LRPPRC: variants seen among roughly 807,000 people sequenced by gnomAD.
LRPPRC encodes the protein leucine rich pentatricopeptide repeat containing, also known as leucine-rich PPR motif-containing protein, mitochondrial.
LRPPRC carries 120 observed loss-of-function variants against 180.3 expected under a neutral mutation model. That is an observed-to-expected ratio of 0.67 (90% CI 0.57 to 0.77). The LOEUF (loss-of-function observed/expected upper bound fraction) is 0.77. Among genes scored for constraint, LRPPRC ranks in the 30% least tolerant of loss-of-function variants. The pLI is 0.00. For missense variants in LRPPRC, 2,012 were observed against 1,657.2 expected, an observed-to-expected ratio of 1.21 and a Z score of -3.72; for synonymous variants, 723 against 600.0, an observed-to-expected ratio of 1.21 and a Z score of -3.00.
At chr2:43,977,894 G>A (rs915685566) in intron 3 of LRPPRC, among the ~76,000 whole-genome samples, 1 of 152,048 alleles carries the variant, frequency 6.6e-6, no homozygotes, top group African/African-American at 2.4e-5. Context: ...TCAATTTTGT[G>A]GTAACATGTC....
intron 31 of LRPPRC, 85 bp from the exon 32 acceptor site, chr2:43,901,609 G>C: frequency 1.3e-6 from 1 of 799,732 alleles, no homozygotes; most frequent in Non-Finnish European, 2.2e-6. Flanking sequence ...TTAAATATGA[G>C]CACCAAATGG....
At chr2:43,996,067 C>G, upstream of LRPPRC, 1 of 973,918 alleles carries the variant, frequency 1.0e-6, no homozygotes. Context: ...GTGGGGGGAG[C>G]GACGGATTGT....
rs1670344417 is a variant in LRPPRC, at chr2:43,888,313, G to A, written c.*287C>T. ...ACATTTTAATGAAATAAATGAAACA[G>A]AGCAGGGAAACCAAAGAGCCAATTA... is the stretch of plus-strand genomic sequence containing the variant. On this transcript the variant is annotated 3_prime_UTR_variant, in exon 38 of 38. Coordinates refer to ENST00000260665, the MANE Select transcript of LRPPRC (RefSeq NM_133259.4). 2 of 352,550 alleles carry A rather than the reference G, an allele frequency of 5.7e-6. No homozygotes were observed. The highest frequency in any genetic ancestry group is 2.1e-5 in the African/African-American group (1 of 47,528). 21.8% of individuals were successfully genotyped at this position (352,550 alleles called of 1,614,324 possible).
intron 29 of LRPPRC, 38 bp downstream of exon 29, chr2:43,917,987 A>T: frequency 4.2e-6 from 4 of 950,930 alleles, no homozygotes; most frequent in Non-Finnish European, 6.6e-6. Context: ...AAAGAAGACC[A>T]CCCCCCCACA....
Position 43,917,594 on chromosome 2 carries a change from C to T in LRPPRC, c.3148+431G>A, listed in dbSNP as rs369649841. Reference sequence around the variant, plus strand: ...CACGAGGTCAGGAGATCGAAACCATCCTGGCTAACACAGTGAAGCCCCATC... The same window carrying T: ...CACGAGGTCAGGAGATCGAAACCATTCTGGCTAACACAGTGAAGCCCCATC... On this transcript the variant is annotated intron_variant, in intron 29 of 37. Coordinates refer to ENST00000260665, the MANE Select transcript of LRPPRC (RefSeq NM_133259.4). Among the ~76,000 whole-genome samples the T allele has an allele frequency of 9.2e-5, 14 of 152,068 alleles. No homozygotes were observed. The South Asian group carries it at 1.5e-3, about 16-fold the overall frequency.
chr2:43,979,058 C>G (rs1236160111), intron 3 of LRPPRC, among the ~76,000 whole-genome samples: 2 of 151,984 alleles, frequency 1.3e-5, no homozygotes, highest in Admixed American at 6.6e-5. Context: ...TCTTTCTATA[C>G]TTTAAGATTT....
intron 27 of LRPPRC, among the ~76,000 whole-genome samples, chr2:43,922,425 A>G (rs1176202732): frequency 6.6e-6 from 1 of 152,220 alleles, no homozygotes; most frequent in Non-Finnish European, 1.5e-5. Context: ...ACAAATATCC[A>G]AAAATAACTA....
At position 43,976,168 on chromosome 2, in the gene LRPPRC, G is replaced by A. The variant is rs1157444852; in HGVS notation, c.712C>T (p.Leu238Phe). Reference sequence around the variant, plus strand: ...CCAGCTCTGGCATGCCCTGTCACAAGGGCACTGAATACTGCCTCTGTAACT... The same window carrying A: ...CCAGCTCTGGCATGCCCTGTCACAAAGGCACTGAATACTGCCTCTGTAACT... ...LPVTEAVFSA[L>F]VTGHARAGDM... Residue 238 changes from leucine (L) to phenylalanine (F), a missense_variant, in exon 6 of 38, where the codon CTT becomes TTT. Physicochemically the swap from Leu to Phe is conservative, Grantham distance 22. Transcript: ENST00000260665. 2.5e-6 allele frequency: 4 copies of A among 1,611,124 alleles called. No individual in the cohort carries two copies. The highest frequency in any genetic ancestry group is 1.3e-5 in the African/African-American group (1 of 74,844).
intron 23 of LRPPRC, among the ~76,000 whole-genome samples, chr2:43,939,145 G>A (rs188107120): frequency 0.026 from 3,926 of 151,700 alleles, 63 homozygotes; most frequent in Admixed American, 0.054. Context: ...AGCTGGCGTG[G>A]CGGTGAGCAC....
At chr2:43,993,866 G>A (rs1674898491) in intron 1 of LRPPRC, among the ~76,000 whole-genome samples, 1 of 152,090 alleles carries the variant, frequency 6.6e-6, no homozygotes, top group African/African-American at 2.4e-5. Context: ...AGAGACATTT[G>A]AGATCTGAAT....
At chr2:43,991,754 G>C (rs568027329) in intron 1 of LRPPRC, among the ~76,000 whole-genome samples, 2 of 152,252 alleles carry the variant, frequency 1.3e-5, no homozygotes, top group East Asian at 3.9e-4. Context: ...TATACTTCTT[G>C]GTGCTACAAT....
chr2:43,918,179 C>CAATATA (rs1671545485), intron 28 of LRPPRC, 46 bp from the exon 29 acceptor site: 2 of 1,597,282 alleles, frequency 1.3e-6, no homozygotes, highest in African/African-American at 2.7e-5. Flanking sequence ...GTAATCTTTT[C>CAATATA]AATATAAAAG....
At chr2:43,947,798 C>G in intron 18 of LRPPRC, 23 bp from the exon 19 acceptor site, 1 of 1,512,874 alleles carries the variant, frequency 6.6e-7, no homozygotes, top group African/African-American at 1.4e-5. Flanking sequence ...TTTAAATTAG[C>G]CCAGAATTAG....
intron 25 of LRPPRC, among the ~76,000 whole-genome samples, chr2:43,928,547 TAGGAGG>T (rs985922135): frequency 2.6e-4 from 39 of 151,938 alleles, no homozygotes; most frequent in Admixed American, 7.9e-4. Flanking sequence ...GTTAACATAG[TAGGAGG>T]AAAAATCATG....
chr2:43,972,991 A>T (rs1484240935), intron 11 of LRPPRC, among the ~76,000 whole-genome samples: 1 of 152,226 alleles, frequency 6.6e-6, no homozygotes, highest in Non-Finnish European at 1.5e-5. Context: ...TCTAAAATTT[A>T]ATATTTGTTC....
At position 43,901,513 on chromosome 2, in the gene LRPPRC, T is replaced by C; in HGVS notation, c.3376A>G (p.Thr1126Ala). The C allele has an allele frequency of 6.2e-7, 1 of 1,611,906 alleles. No individual in the cohort carries two copies. The highest frequency in any genetic ancestry group is 8.5e-7 in the Non-Finnish European group (1 of 1,177,934). The change falls in exon 32 of 38, where the codon ACA becomes GCA. Residue 1126 changes from threonine (T) to alanine (A), a missense_variant. Physicochemically the swap from Thr to Ala is moderately conservative, Grantham distance 58. Coordinates refer to ENST00000260665, the MANE Select transcript of LRPPRC (RefSeq NM_133259.4). The stretch of plus-strand genomic sequence containing the variant: ...TGCTGATCCAATACTGTTTTCAGTG[T>C]TGTCACAGCCTCTAAAATACAAGAG... The part of the protein sequence containing the change: ...RRDYLKEAVT[T>A]LKTVLDQQQT...
At position 43,945,220 on chromosome 2, in the gene LRPPRC, T is replaced by C. The variant is rs542445076; in HGVS notation, c.2296+112A>G. ...GGTTGGATTCACATGCAAATTTCTA[T>C]GCAAAGTGTTCAAGCACTTTGCAGG... On this transcript the variant is annotated intron_variant, in intron 22 of 37. Coordinates refer to ENST00000260665, the MANE Select transcript of LRPPRC (RefSeq NM_133259.4). The C allele has an allele frequency of 7.4e-5, 57 of 770,294 alleles. No homozygotes were observed. In the East Asian group the frequency reaches 1.1e-3, roughly 15 times the overall value. 47.7% of individuals were successfully genotyped at this position (770,294 alleles called of 1,614,324 possible). A position where few individuals can be genotyped will look rare whatever the true frequency, so the allele number is the denominator to read the frequency against.
intron 1 of LRPPRC, among the ~76,000 whole-genome samples, chr2:43,985,945 C>A (rs1016158950): frequency 6.6e-6 from 1 of 152,166 alleles, no homozygotes; most frequent in Non-Finnish European, 1.5e-5. Flanking sequence ...AATGAGAGTT[C>A]CTGTTGTCCT....
chr2:43,930,326 G>A (rs1166472588), intron 25 of LRPPRC, among the ~76,000 whole-genome samples: 7 of 152,140 alleles, frequency 4.6e-5, no homozygotes, highest in Middle Eastern at 3.2e-3. Context: ...GATCATGGAC[G>A]TAGGATGGTA....
Sources: gnomAD v4.1 joint callset for allele counts (sites outside exome capture counted in the v4.1 genomes callset) on GRCh38, gnomAD v4.1.1 for gene constraint, MANE v1.5 for transcripts, NCBI Gene and HGNC (gene_info 2026-07-23, HGNC 2026-07-21) for gene names.